DLGAP1: variants seen among roughly 807,000 people sequenced by gnomAD.
DLGAP1 encodes DLG associated protein 1.
A neutral mutation model predicts 90.8 loss-of-function variants in DLGAP1; 11 were observed. That is an observed-to-expected ratio of 0.12 (90% CI 0.08 to 0.20). DLGAP1 has a LOEUF of 0.20. Among genes scored for constraint, DLGAP1 ranks in the 10% least tolerant of loss-of-function variants. DLGAP1 has a pLI of 1.00. For synonymous variants in DLGAP1, 558 were observed against 540.7 expected, an observed-to-expected ratio of 1.03 and a Z score of -0.44; for missense variants, 1,050 against 1,333.8, an observed-to-expected ratio of 0.79 and a Z score of 3.31.
intron 2 of DLGAP1, among the ~76,000 whole-genome samples, chr18:4,020,905 T>C (rs1437865834): frequency 6.6e-6 from 1 of 152,174 alleles, no homozygotes; most frequent in Non-Finnish European, 1.5e-5. Context: ...TGAGTTATTT[T>C]GCACAACCTG....
intron 4 of DLGAP1, among the ~76,000 whole-genome samples, chr18:3,848,127 C>CAAAAAAAAAAAAAAAAAA (rs3862177): frequency 2.2e-4 from 7 of 32,078 alleles, no homozygotes; most frequent in Admixed American, 5.4e-4. Flanking sequence ...GGCCCCGTCT[C>CAAAAAAAAAAAAAAAAAA]AAAAAAAAAA....
intron 3 of DLGAP1, among the ~76,000 whole-genome samples, chr18:3,943,556 A>G (rs2072815370): frequency 6.6e-6 from 1 of 151,474 alleles, no homozygotes; most frequent in African/African-American, 2.4e-5. Flanking sequence ...AAATCGGTAG[A>G]ACTGGTCAGT....
intron 2 of DLGAP1, among the ~76,000 whole-genome samples, chr18:4,024,537 G>A (rs764439826): frequency 2.0e-5 from 3 of 152,158 alleles, no homozygotes; most frequent in South Asian, 2.1e-4. Flanking sequence ...ACTTATGCTC[G>A]GAGTGACATG....
chr18:4,441,318 C>T (rs2083531290), intron 1 of DLGAP1, among the ~76,000 whole-genome samples: 1 of 152,194 alleles, frequency 6.6e-6, no homozygotes, highest in Non-Finnish European at 1.5e-5. Context: ...GGTCACACCC[C>T]TAGAAGGTTC....
intron 3 of DLGAP1, among the ~76,000 whole-genome samples, chr18:3,971,812 A>G (rs1364270433): frequency 6.6e-6 from 1 of 152,230 alleles, no homozygotes; most frequent in African/African-American, 2.4e-5. Flanking sequence ...ATTCTTAAGT[A>G]TCTTTCATTA....
Position 3,503,753 on chromosome 18 carries a change from A to G in DLGAP1, c.2572-1108T>C, listed in dbSNP as rs117115897. Among the ~76,000 whole-genome samples the G allele has an allele frequency of 1.9e-4, 29 of 152,370 alleles. No homozygotes were observed. In the East Asian group the frequency reaches 5.6e-3, roughly 29 times the overall value. On this transcript the variant is annotated intron_variant, in intron 11 of 12. Transcript: ENST00000315677. Reference sequence around the variant, plus strand: ...ACCATCAAAATAATGGATTGGAAAGACATTTTAAGTCCTTGGGTGCACCAG... The same window carrying G: ...ACCATCAAAATAATGGATTGGAAAGGCATTTTAAGTCCTTGGGTGCACCAG...
intron 1 of DLGAP1, among the ~76,000 whole-genome samples, chr18:4,311,144 C>T (rs1304669143): frequency 6.6e-6 from 1 of 152,198 alleles, no homozygotes; most frequent in African/African-American, 2.4e-5. Context: ...AATTCCAACA[C>T]CTTAGGCCTA....
chr18:3,888,583 A>C (rs1441888271), intron 3 of DLGAP1, among the ~76,000 whole-genome samples: 2 of 152,026 alleles, frequency 1.3e-5, no homozygotes, highest in Non-Finnish European at 2.9e-5. Context: ...GACTCAACTG[A>C]AATCTTCTCC....
At chr18:3,579,288 G>A (rs560111593) in intron 8 of DLGAP1, among the ~76,000 whole-genome samples, 48 of 152,282 alleles carry the variant, frequency 3.2e-4, no homozygotes, top group African/African-American at 8.9e-4. Flanking sequence ...TCGGCTCACC[G>A]CAACCTCCGT....
intron 1 of DLGAP1, among the ~76,000 whole-genome samples, chr18:4,177,587 T>C (rs1045716489): frequency 3.3e-5 from 5 of 152,166 alleles, no homozygotes; most frequent in South Asian, 2.1e-4. Context: ...ATAGCACCAA[T>C]AGATAGTTTT....
chr18:3,781,973 G>T (rs998121389), intron 5 of DLGAP1, among the ~76,000 whole-genome samples: 2 of 151,908 alleles, frequency 1.3e-5, no homozygotes, highest in African/African-American at 4.8e-5. Context: ...CCTTGTTGTT[G>T]TTATTGTTGT....
In DLGAP1 at chr18:3,496,493, T is replaced by A. The variant is rs2049700061; in HGVS notation, c.*2692A>T. ...TCTCTTTACAAAAAGGTTATGTGAA[T>A]TGTATGGAAACATCTGCAAAAAATA... On this transcript the variant is annotated 3_prime_UTR_variant, in exon 13 of 13. Coordinates refer to ENST00000315677, the MANE Select transcript of DLGAP1 (RefSeq NM_004746.4). 1 of 152,170 alleles carries A rather than the reference T, an allele frequency of 6.6e-6. No individual in the cohort carries two copies. Among genetic ancestry groups the A allele is most frequent in the African/African-American group, 2.4e-5 (1 of 41,436 alleles). The allele number at this position is 152,170 out of a possible 1,614,324, so 9.4% of individuals were successfully genotyped here.
At chr18:3,878,428 T>A (rs1018122168) in intron 4 of DLGAP1, 4 of 152,194 alleles carry the variant, frequency 2.6e-5, no homozygotes, top group African/African-American at 9.7e-5. Flanking sequence ...GGGATTTACA[T>A]GCTGACACTA....
At chr18:3,726,378 CAGGAAGAAAATGAATAT>C (rs1422700817) in intron 7 of DLGAP1, among the ~76,000 whole-genome samples, 2 of 151,550 alleles carry the variant, frequency 1.3e-5, no homozygotes, top group Non-Finnish European at 2.9e-5. Flanking sequence ...AAGGAAACTA[CAGGAAGAAAATGAATAT>C]GACAGTATTG....
In DLGAP1 at chr18:3,914,632, A is replaced by G. The variant is rs76283805; in HGVS notation, c.-72-34492T>C. On this transcript the variant is annotated intron_variant, in intron 3 of 12. Transcript: ENST00000315677. ...AGTTTTGTTTTTAATTTTTTGAGGAACTCCTATATGATTTTCCATAGCAGC... is the reference window on the plus strand; with the variant it reads ...AGTTTTGTTTTTAATTTTTTGAGGAGCTCCTATATGATTTTCCATAGCAGC... 8.7e-3 allele frequency among the ~76,000 whole-genome samples: 1,323 copies of G among 151,780 alleles called. 13 individuals carry two copies. The highest frequency in any genetic ancestry group is 0.034 in the Middle Eastern group (10 of 294).
At chr18:4,220,073 T>C (rs1358053329) in intron 1 of DLGAP1, among the ~76,000 whole-genome samples, 1 of 152,136 alleles carries the variant, frequency 6.6e-6, no homozygotes, top group African/African-American at 2.4e-5. Flanking sequence ...CATTGGGTAG[T>C]GTGGGCATTT....
At chr18:4,312,757 A>G (rs1050436598) in intron 1 of DLGAP1, among the ~76,000 whole-genome samples, 2 of 152,162 alleles carry the variant, frequency 1.3e-5, no homozygotes, top group African/African-American at 4.8e-5. Context: ...GAATAATTCT[A>G]TGATATAATC....
At chr18:4,003,773 A>C (rs2074246383) in intron 3 of DLGAP1, among the ~76,000 whole-genome samples, 1 of 152,204 alleles carries the variant, frequency 6.6e-6, no homozygotes, top group Admixed American at 6.5e-5. Flanking sequence ...TAATTTCATA[A>C]GTGTATTTAT....
chr18:3,881,135 T>C (rs1014870052), intron 3 of DLGAP1, among the ~76,000 whole-genome samples: 1 of 152,048 alleles, frequency 6.6e-6, no homozygotes, highest in Non-Finnish European at 1.5e-5. Flanking sequence ...CTTTTTCTTT[T>C]TTTTGTGAGA....
Sources: allele counts gnomAD v4.1 joint callset (sites outside exome capture counted in the v4.1 genomes callset), GRCh38; gene constraint gnomAD v4.1.1; transcripts MANE v1.5; gene names NCBI Gene and HGNC (gene_info 2026-07-23, HGNC 2026-07-21).